Variants in FAM151B observed in about 807,000 individuals in gnomAD.
FAM151B encodes the protein protein FAM151B.
In FAM151B, 24 loss-of-function variants were observed where a neutral mutation model predicts 31.2. The observed-to-expected ratio is 0.77, with a 90% confidence interval of 0.56 to 1.08. FAM151B has a LOEUF of 1.08. Ranked by LOEUF, FAM151B falls within the 50% of genes least tolerant of loss-of-function variation. The pLI is 0.00. For missense variants in FAM151B, 293 were observed against 328.6 expected (o/e 0.89, Z 0.84); for synonymous variants, 105 against 111.4 (o/e 0.94, Z 0.36).
intron 5 of FAM151B, among the ~76,000 whole-genome samples, chr5:80,531,070 G>A (rs935459820): frequency 6.6e-6 from 1 of 151,940 alleles, no homozygotes; most frequent in African/African-American, 2.4e-5. Context: ...TAGAGCCCTT[G>A]GAAATGAGAC....
chr5:80,510,806 T>C (rs890700918), intron 2 of FAM151B: 1 of 152,226 alleles, frequency 6.6e-6, no homozygotes, highest in African/African-American at 2.4e-5. Flanking sequence ...TATGGATCTG[T>C]ATTGGCATTC....
At chr5:80,513,504 CT>C (rs567737723) in intron 2 of FAM151B, 99 bp from the exon 3 acceptor site, 1,101 of 1,196,456 alleles carry the variant, frequency 9.2e-4, no homozygotes, top group South Asian at 1.1e-3. Context: ...CTTTTCTTTC[CT>C]TTTTTTTTAT....
At chr5:80,489,816 A>G (rs1011204682) in intron 1 of FAM151B, among the ~76,000 whole-genome samples, 2 of 149,820 alleles carry the variant, frequency 1.3e-5, no homozygotes, top group Non-Finnish European at 3.0e-5. Context: ...CTCAACTACT[A>G]AGGAGGCTGA....
intron 5 of FAM151B, among the ~76,000 whole-genome samples, chr5:80,524,329 C>A (rs1019118085): frequency 2.0e-5 from 3 of 151,976 alleles, no homozygotes; most frequent in African/African-American, 7.2e-5. Context: ...TTCACATAGT[C>A]ATATGTGTGA....
At chr5:80,538,209 A>G (rs1002554573) in intron 5 of FAM151B, among the ~76,000 whole-genome samples, 1 of 151,876 alleles carries the variant, frequency 6.6e-6, no homozygotes, top group Non-Finnish European at 1.5e-5. Flanking sequence ...CTGGGACTAC[A>G]GGTGGGCACC....
intron 5 of FAM151B, among the ~76,000 whole-genome samples, chr5:80,529,135 C>G (rs887675335): frequency 7.9e-5 from 12 of 152,170 alleles, no homozygotes; most frequent in Non-Finnish European, 1.5e-4. Flanking sequence ...TCCTGAGTGA[C>G]TACTGGGTAC....
chr5:80,533,233 C>T (rs866676643), intron 5 of FAM151B, among the ~76,000 whole-genome samples: 26 of 151,760 alleles, frequency 1.7e-4, no homozygotes, highest in Non-Finnish European at 2.8e-4. Flanking sequence ...AAAAAATAGC[C>T]GGGCGTGGTG....
chr5:80,489,188 C>T (rs965298011), intron 1 of FAM151B, among the ~76,000 whole-genome samples: 1 of 152,040 alleles, frequency 6.6e-6, no homozygotes, highest in Non-Finnish European at 1.5e-5. Context: ...GTTAATCAGT[C>T]GTTTCCTGTT....
chr5:80,538,531 TCCTTCC>T lies in FAM151B; in HGVS notation c.672-3141_672-3136del, dbSNP rs1561384073. On this transcript the variant is annotated intron_variant, in intron 5 of 5. Coordinates refer to ENST00000282226, the MANE Select transcript of FAM151B (RefSeq NM_205548.3). Reference sequence around the variant, plus strand: ...TTCTTTCTTTCCTTCCTTCCTTCCTTCCTTCCTTCCTTCCTTCCTTCCTTCCTTCCT... The same window carrying T: ...TTCTTTCTTTCCTTCCTTCCTTCCTTTTCCTTCCTTCCTTCCTTCCTTCCT... 7.5e-4 allele frequency among the ~76,000 whole-genome samples: 83 copies of T among 110,202 alleles called. 1 individual carries two copies. Among genetic ancestry groups the T allele is most frequent in the African/African-American group, 4.0e-3 (75 of 18,872 alleles). 72.3% of individuals were successfully genotyped at this position (110,202 alleles called of 152,430 possible). A position where few individuals can be genotyped will look rare whatever the true frequency, so the allele number is the denominator to read the frequency against.
intron 5 of FAM151B, among the ~76,000 whole-genome samples, chr5:80,528,478 C>G (rs1423737759): frequency 6.6e-6 from 1 of 151,866 alleles, no homozygotes; most frequent in Non-Finnish European, 1.5e-5. Context: ...ACAAGGATCA[C>G]ACTTCACCTA....
At chr5:80,501,021 A>T (rs1186395574) in intron 1 of FAM151B, 2 of 531,768 alleles carry the variant, frequency 3.8e-6, no homozygotes, top group Non-Finnish European at 3.3e-6. Flanking sequence ...ATTTTATTTT[A>T]TTTTATTTTT....
In FAM151B at chr5:80,513,875, AATAT is replaced by A. The variant is rs1744299110; in HGVS notation, c.317+109_317+112del. ...AACTGAAAATGGAATTGTAGACTCT[AATAT>A]ATTTCAGGACTGAACCTAAATGAAC... On this transcript the variant is annotated intron_variant, in intron 3 of 5. Coordinates refer to ENST00000282226, the MANE Select transcript of FAM151B (RefSeq NM_205548.3). The A allele has an allele frequency of 2.7e-6, 3 of 1,124,494 alleles. No individual in the cohort carries two copies. The South Asian group carries it at 5.1e-5, about 19-fold the overall frequency. The allele number at this position is 1,124,494 out of a possible 1,614,324, so 69.7% of individuals were successfully genotyped here.
chr5:80,501,193 TA>T, intron 1 of FAM151B: 1 of 311,504 alleles, frequency 3.2e-6, no homozygotes, highest in Non-Finnish European at 6.1e-6. Flanking sequence ...TTTTTTTTTT[TA>T]TTTTTGTTAG....
intron 2 of FAM151B, among the ~76,000 whole-genome samples, chr5:80,511,558 T>G (rs1561367219): frequency 6.6e-6 from 1 of 152,004 alleles, no homozygotes. Flanking sequence ...TTTTTTCATG[T>G]GTCAAAGCTT....
At chr5:80,505,469 A>T (rs953183802) in intron 2 of FAM151B, among the ~76,000 whole-genome samples, 3 of 149,846 alleles carry the variant, frequency 2.0e-5, no homozygotes, top group African/African-American at 7.4e-5. Context: ...ATCTCGGCTC[A>T]CTGCAAGCTC....
At chr5:80,492,193 T>C (rs1743357920) in intron 1 of FAM151B, among the ~76,000 whole-genome samples, 1 of 152,126 alleles carries the variant, frequency 6.6e-6, no homozygotes, top group African/African-American at 2.4e-5. Context: ...TTCCCACAAA[T>C]TGAAGGTTTG....
At chr5:80,530,187 C>G (rs549927382) in intron 5 of FAM151B, among the ~76,000 whole-genome samples, 5 of 152,106 alleles carry the variant, frequency 3.3e-5, no homozygotes, top group Admixed American at 2.0e-4. Flanking sequence ...ATTCAACAGC[C>G]CTTCATGCTA....
chr5:80,493,714 C>G (rs1743402531), intron 1 of FAM151B, among the ~76,000 whole-genome samples: 1 of 152,156 alleles, frequency 6.6e-6, no homozygotes, highest in South Asian at 2.1e-4. Flanking sequence ...TTGGGAAATT[C>G]CAGCCTGGTA....
At chr5:80,539,912 T>C (rs1745799812) in intron 5 of FAM151B, among the ~76,000 whole-genome samples, 1 of 152,210 alleles carries the variant, frequency 6.6e-6, no homozygotes, top group Non-Finnish European at 1.5e-5. Flanking sequence ...CCCCAATTGT[T>C]TCCTGCATTT....
Sources: gnomAD v4.1 joint callset for allele counts (sites outside exome capture counted in the v4.1 genomes callset) on GRCh38, gnomAD v4.1.1 for gene constraint, MANE v1.5 for transcripts, NCBI Gene and HGNC (gene_info 2026-07-23, HGNC 2026-07-21) for gene names.